The following VEPH1 variants were observed in gnomAD, a reference collection of about 807,000 sequenced individuals.
VEPH1 encodes ventricular zone expressed PH domain containing 1.
In VEPH1, 80 loss-of-function variants were observed where a neutral mutation model predicts 85.2. The observed-to-expected ratio is 0.94, with a 90% CI of 0.78 to 1.13. The LOEUF (loss-of-function observed/expected upper bound fraction) is 1.13. Ranked by LOEUF, VEPH1 falls within the 50% of genes most tolerant of loss-of-function variation. The probability of loss-of-function intolerance (pLI) is 0.00; values close to 1 mark genes in which losing one functional copy is unlikely to be tolerated. For missense variants in VEPH1, 955 were observed against 980.5 expected, an observed-to-expected ratio of 0.97 and a Z score of 0.35; for synonymous variants, 297 against 348.0, an observed-to-expected ratio of 0.85 and a Z score of 1.63.
intron 6 of VEPH1, among the ~76,000 whole-genome samples, chr3:157,410,136 G>T (rs1030746399): frequency 6.6e-6 from 1 of 152,096 alleles, no homozygotes; most frequent in Non-Finnish European, 1.5e-5. Flanking sequence ...GACCACTTTG[G>T]TGTCAAAGAG....
chr3:157,370,907 A>T (rs1013773304), intron 7 of VEPH1, among the ~76,000 whole-genome samples: 1 of 152,044 alleles, frequency 6.6e-6, no homozygotes. Flanking sequence ...ACTCTTAAGG[A>T]CTCTAAGTTT....
chr3:157,370,907 A>G (rs1013773304), intron 7 of VEPH1, among the ~76,000 whole-genome samples: 1 of 152,044 alleles, frequency 6.6e-6, no homozygotes, highest in East Asian at 1.9e-4. Context: ...ACTCTTAAGG[A>G]CTCTAAGTTT....
chr3:157,292,559 G>A (rs1717614294), intron 11 of VEPH1, among the ~76,000 whole-genome samples: 1 of 151,984 alleles, frequency 6.6e-6, no homozygotes, highest in African/African-American at 2.4e-5. Flanking sequence ...GGGCGTGGTG[G>A]CAGGCACCTA....
intron 9 of VEPH1, among the ~76,000 whole-genome samples, chr3:157,320,516 A>G (rs57942815): frequency 0.05 from 7,621 of 152,210 alleles, 544 homozygotes; most frequent in African/African-American, 0.16. Context: ...TTACTTATAT[A>G]ATTGTATAAT....
chr3:157,397,795 C>T (rs1264848703), intron 6 of VEPH1, among the ~76,000 whole-genome samples: 1 of 152,180 alleles, frequency 6.6e-6, no homozygotes, highest in Non-Finnish European at 1.5e-5. Context: ...AAACCATTGG[C>T]TACAGCCCAT....
chr3:157,334,185 C>T (rs971305774), intron 9 of VEPH1, among the ~76,000 whole-genome samples: 6 of 152,164 alleles, frequency 3.9e-5, no homozygotes, highest in African/African-American at 1.4e-4. Flanking sequence ...TCCCTGTTGA[C>T]TTCATGATCA....
chr3:157,480,234 T>A (rs990143133), intron 2 of VEPH1, among the ~76,000 whole-genome samples: 3 of 152,098 alleles, frequency 2.0e-5, no homozygotes, highest in African/African-American at 7.2e-5. Context: ...CTGTTGCCAA[T>A]GAATTCCTTG....
chr3:157,260,893 C>A lies in VEPH1; in HGVS notation c.*241G>T. On this transcript the variant is annotated 3_prime_UTR_variant, in exon 14 of 14. Transcript: ENST00000362010. ...CTATCTGAGGGCATACTCTGTAGCT[C>A]CTTTTATTTTATTTTATTTTTGTGG... 1 of 482,558 alleles carries A rather than the reference C, an allele frequency of 2.1e-6. No homozygotes were observed. Among genetic ancestry groups the A allele is most frequent in the Non-Finnish European group, 3.5e-6 (1 of 285,928 alleles). The allele number at this position is 482,558 out of a possible 1,614,324, so 29.9% of individuals were successfully genotyped here.
chr3:157,451,649 C>A (rs1243716643), intron 4 of VEPH1, among the ~76,000 whole-genome samples: 1 of 152,094 alleles, frequency 6.6e-6, no homozygotes, highest in African/African-American at 2.4e-5. Context: ...GCACAGGATG[C>A]AAATGGATGC....
chr3:157,469,427 G>A (rs1736710589), intron 3 of VEPH1, among the ~76,000 whole-genome samples: 1 of 152,214 alleles, frequency 6.6e-6, no homozygotes, highest in Admixed American at 6.5e-5. Context: ...GTGGAACACA[G>A]GTTCTGAGGG....
intron 9 of VEPH1, among the ~76,000 whole-genome samples, chr3:157,355,084 T>C (rs917394198): frequency 6.6e-6 from 1 of 152,152 alleles, no homozygotes; most frequent in Admixed American, 6.5e-5. Context: ...ACACCTCTAC[T>C]TACTCTTCAC....
chr3:157,398,876 A>G (rs1730618012), intron 6 of VEPH1, among the ~76,000 whole-genome samples: 1 of 152,004 alleles, frequency 6.6e-6, no homozygotes. Context: ...CCCACTCAAA[A>G]CTAGATGCCT....
intron 11 of VEPH1, among the ~76,000 whole-genome samples, chr3:157,292,938 G>A (rs1170947952): frequency 1.4e-5 from 2 of 144,866 alleles, no homozygotes; most frequent in African/African-American, 5.1e-5. Context: ...AGCTGAGATC[G>A]CACCATTGCA....
chr3:157,456,640 A>G (rs920396007), intron 4 of VEPH1, among the ~76,000 whole-genome samples: 4 of 152,090 alleles, frequency 2.6e-5, no homozygotes, highest in African/African-American at 7.2e-5. Context: ...TCTTTTGCCC[A>G]TTGCTTGTTT....
At chr3:157,437,049 AT>A in intron 4 of VEPH1, 1 of 1,614,004 alleles carries the variant, frequency 6.2e-7, no homozygotes, top group South Asian at 1.1e-5. Context: ...AATGGACTCC[AT>A]CCCACTGAGG....
Position 157,261,308 on chromosome 3 carries a change from G to C in VEPH1, c.2328C>G (p.Ala776=). 2.5e-6 allele frequency: 4 copies of C among 1,613,694 alleles called. No individual in the cohort carries two copies. Among genetic ancestry groups the C allele is most frequent in the Non-Finnish European group, 3.4e-6 (4 of 1,179,750 alleles). The change falls in exon 14 of 14, where the codon GCC becomes GCG. Residue 776 remains alanine (A), a synonymous_variant. Transcript: ENST00000362010. The part of the protein sequence containing the change: ...LSKVQSVKAV[A]KKRRDRSLPR... ...GGAGAGAGCGGTCCCTGCGTTTCTT[G>C]GCCACAGCCTTCACACTCTGTACTT...
At chr3:157,461,844 C>T (rs542888546) in intron 3 of VEPH1, among the ~76,000 whole-genome samples, 36 of 151,876 alleles carry the variant, frequency 2.4e-4, no homozygotes, top group Non-Finnish European at 4.3e-4. Context: ...GAGAACATCT[C>T]GATGGCCTCA....
At chr3:157,444,499 G>A (rs1413378834) in intron 4 of VEPH1, among the ~76,000 whole-genome samples, 2 of 152,152 alleles carry the variant, frequency 1.3e-5, no homozygotes, top group Non-Finnish European at 2.9e-5. Context: ...TTGTAGTTAG[G>A]GGCTGATAGG....
At chr3:157,479,822 A>G (rs1394818203) in intron 2 of VEPH1, among the ~76,000 whole-genome samples, 2 of 152,216 alleles carry the variant, frequency 1.3e-5, no homozygotes, top group Non-Finnish European at 2.9e-5. Context: ...CAAGTATTCA[A>G]TGAGTTAATA....
Sources: allele counts gnomAD v4.1 joint callset (sites outside exome capture counted in the v4.1 genomes callset), GRCh38; gene constraint gnomAD v4.1.1; transcripts MANE v1.5; gene names NCBI Gene and HGNC (gene_info 2026-07-23, HGNC 2026-07-21).